Variants in SS18 observed in about 807,000 individuals in gnomAD.
SS18 encodes the protein SS18 subunit of BAF chromatin remodeling complex, also known as protein SSXT.
Under a neutral mutation model 72.5 loss-of-function variants are expected in SS18, and 28 were observed. That is an observed-to-expected ratio of 0.39 (90% CI 0.29 to 0.53). The LOEUF (loss-of-function observed/expected upper bound fraction) is 0.53, where lower values mean the gene tolerates loss of function less well. SS18 is among the 20% of genes least tolerant of loss of function. The pLI is 0.76. For synonymous variants in SS18, 172 were observed against 164.2 expected (o/e 1.05, Z -0.37); for missense variants, 518 against 535.3 (o/e 0.97, Z 0.32).
intron 7 of SS18, among the ~76,000 whole-genome samples, chr18:26,037,187 A>G (rs1438870960): frequency 2.0e-5 from 3 of 152,140 alleles, no homozygotes; most frequent in African/African-American, 7.2e-5. Context: ...AAATCCACTA[A>G]TAAAATGAAT....
At chr18:26,090,820 C>T, upstream of SS18, 1 of 570,742 alleles carries the variant, frequency 1.8e-6, no homozygotes, top group Non-Finnish European at 3.1e-6. Flanking sequence ...CCCCCGAGCT[C>T]TCCTTATGGG....
intron 4 of SS18, among the ~76,000 whole-genome samples, chr18:26,053,671 T>A (rs2053963043): frequency 2.0e-5 from 3 of 152,106 alleles, no homozygotes; most frequent in African/African-American, 7.2e-5. Context: ...AATGACTAGT[T>A]CACACAAAAA....
At chr18:26,020,359 T>C (rs1359888806) in intron 10 of SS18, among the ~76,000 whole-genome samples, 1 of 152,154 alleles carries the variant, frequency 6.6e-6, no homozygotes, top group African/African-American at 2.4e-5. Flanking sequence ...AAGCGCTTTT[T>C]AGAATTATAA....
In SS18 at chr18:26,090,508, A is replaced by G. The variant is rs1422637163; in HGVS notation, c.62T>C (p.Ile21Thr). The G allele has an allele frequency of 1.3e-6, 2 of 1,577,014 alleles. No individual in the cohort carries two copies. The highest frequency in any genetic ancestry group is 1.2e-5 in the South Asian group (1 of 85,700). Residue 21 changes from isoleucine to threonine, a missense_variant, in exon 1 of 11, where the codon ATT (isoleucine) becomes ACT (threonine). Coordinates refer to ENST00000415083, the MANE Select transcript of SS18 (RefSeq NM_001007559.3). ...RGKGEITPAAIQKMLDDNNHL... is the reference protein window; with the variant it reads ...RGKGEITPAATQKMLDDNNHL... ...AACCCCGCGCGGTTTCACCTTCTGAATCGCAGCGGGAGTGATCTCCCCCTT... is the reference window on the plus strand; with the variant it reads ...AACCCCGCGCGGTTTCACCTTCTGAGTCGCAGCGGGAGTGATCTCCCCCTT...
chr18:26,038,704 T>C (rs369084111), intron 6 of SS18, 45 bp from the exon 7 acceptor site: 3 of 1,472,820 alleles, frequency 2.0e-6, no homozygotes, highest in African/African-American at 1.4e-5. Context: ...GTGTTCTCTA[T>C]GTCATCAAAG....
In SS18 at chr18:26,055,535, A is replaced by T. The variant is rs16942112; in HGVS notation, c.385+2054T>A. Among the ~76,000 whole-genome samples the T allele has an allele frequency of 4.3e-3, 658 of 152,302 alleles. 6 individuals are homozygous for T. Among genetic ancestry groups the T allele is most frequent in the African/African-American group, 0.015 (634 of 41,572 alleles). ...CTGAGTAGTGATTTGACCCAGATCA[A>T]TGAGAACATAAGTAGCTCTAAAACT... On this transcript the variant is annotated intron_variant, in intron 4 of 10. Transcript: ENST00000415083.
intron 3 of SS18, among the ~76,000 whole-genome samples, chr18:26,067,615 G>A (rs1002121964): frequency 1.3e-5 from 2 of 152,168 alleles, no homozygotes; most frequent in Non-Finnish European, 2.9e-5. Context: ...GAATCCATGA[G>A]TATGGATAAA....
At chr18:26,053,790 A>G (rs2053965023) in intron 4 of SS18, among the ~76,000 whole-genome samples, 1 of 152,228 alleles carries the variant, frequency 6.6e-6, no homozygotes, top group Non-Finnish European at 1.5e-5. Context: ...CAAAAATCAA[A>G]AGTTCGATCT....
Position 26,071,638 on chromosome 18 carries a change from C to T in SS18, c.231+6438G>A, listed in dbSNP as rs76422922. Among the ~76,000 whole-genome samples the T allele has an allele frequency of 4.3e-3, 661 of 152,096 alleles. 4 individuals carry two copies. Among genetic ancestry groups the T allele is most frequent in the African/African-American group, 0.014 (595 of 41,504 alleles). On this transcript the variant is annotated intron_variant, in intron 3 of 10. Coordinates refer to ENST00000415083, the MANE Select transcript of SS18 (RefSeq NM_001007559.3). The stretch of plus-strand genomic sequence containing the variant: ...TCGAGGCCAGGAGTTTAAGACTAGC[C>T]CGGGCGATATAAGACCCCATTTCTC...
At chr18:26,067,212 T>C (rs2054235515) in intron 3 of SS18, among the ~76,000 whole-genome samples, 2 of 152,182 alleles carry the variant, frequency 1.3e-5, no homozygotes, top group African/African-American at 4.8e-5. Flanking sequence ...ATCAAAATGT[T>C]TTAACTAGAC....
At chr18:26,081,035 T>C (rs551651983) in intron 2 of SS18, among the ~76,000 whole-genome samples, 156 of 124,008 alleles carry the variant, frequency 1.3e-3, no homozygotes, top group Non-Finnish European at 1.9e-3. Context: ...TAGGTAAAAA[T>C]GAAAAATTTT....
chr18:26,066,203 G>A (rs2144074725), intron 3 of SS18, among the ~76,000 whole-genome samples: 1 of 151,986 alleles, frequency 6.6e-6, no homozygotes, highest in Non-Finnish European at 1.5e-5. Flanking sequence ...CTGCGCCCAT[G>A]ATTATATTTG....
chr18:26,072,973 A>T (rs560858427), intron 3 of SS18, among the ~76,000 whole-genome samples: 1 of 152,256 alleles, frequency 6.6e-6, no homozygotes, highest in South Asian at 2.1e-4. Context: ...GATTCAAACA[A>T]GATTAACACA....
intron 9 of SS18, 27 bp from the exon 10 acceptor site, chr18:26,032,559 C>T (rs1393879908): frequency 6.2e-7 from 1 of 1,609,934 alleles, no homozygotes; most frequent in South Asian, 1.1e-5. Context: ...CAACAAAAAC[C>T]CACATAAAAA....
chr18:26,082,803 T>C (rs2054549732), intron 2 of SS18, among the ~76,000 whole-genome samples: 1 of 152,210 alleles, frequency 6.6e-6, no homozygotes, highest in African/African-American at 2.4e-5. Flanking sequence ...AATATGGTAT[T>C]CATTCTCTTA....
At chr18:26,063,496 G>A (rs1568018494) in intron 3 of SS18, among the ~76,000 whole-genome samples, 3 of 152,056 alleles carry the variant, frequency 2.0e-5, no homozygotes, top group South Asian at 4.2e-4. Context: ...CAGCCTGGGC[G>A]ACAGAGCGAG....
At position 26,027,595 on chromosome 18, in the gene SS18, C is replaced by G. The variant is rs1042377506; in HGVS notation, c.1230+4804G>C. Among the ~76,000 whole-genome samples the G allele has an allele frequency of 5.5e-5, 8 of 146,416 alleles. No homozygotes were observed. In the South Asian group the frequency reaches 1.1e-3, roughly 20 times the overall value. On this transcript the variant is annotated intron_variant, in intron 10 of 10. Coordinates refer to ENST00000415083, the MANE Select transcript of SS18 (RefSeq NM_001007559.3). ...GCTAAGGCAGGAGAATCGCTTGAACCCGGAAGGCGGTGGTTGCAGTGAGCT... is the reference window on the plus strand; with the variant it reads ...GCTAAGGCAGGAGAATCGCTTGAACGCGGAAGGCGGTGGTTGCAGTGAGCT...
At chr18:26,085,816 T>C (rs1363987227) in intron 2 of SS18, 2 of 152,234 alleles carry the variant, frequency 1.3e-5, no homozygotes, top group Non-Finnish European at 2.9e-5. Flanking sequence ...TAATGGAAAC[T>C]TGGAATTAAA....
At chr18:26,057,464 G>T (rs546672186) in intron 4 of SS18, 125 bp downstream of exon 4, 3 of 1,103,888 alleles carry the variant, frequency 2.7e-6, no homozygotes, top group Non-Finnish European at 4.0e-6. Context: ...CAAACTCTAA[G>T]AGAGCTTGTA....
Sources: gnomAD v4.1 joint callset for allele counts (sites outside exome capture counted in the v4.1 genomes callset) on GRCh38, gnomAD v4.1.1 for gene constraint, MANE v1.5 for transcripts, NCBI Gene and HGNC (gene_info 2026-07-23, HGNC 2026-07-21) for gene names.